The following ADAMTS20 variants were observed in gnomAD, a reference collection of about 807,000 sequenced individuals.
ADAMTS20 encodes ADAM metallopeptidase with thrombospondin type 1 motif 20.
In ADAMTS20, 225 loss-of-function variants were observed where a neutral mutation model predicts 260.1. The observed-to-expected ratio is 0.87, with a 90% CI of 0.78 to 0.97. The LOEUF is 0.97. Among genes scored for constraint, ADAMTS20 ranks in the 50% least tolerant of loss-of-function variants. ADAMTS20 has a pLI of 0.00. For missense variants in ADAMTS20, 2,400 were observed against 2,337.7 expected, an observed-to-expected ratio of 1.03 and a Z score of -0.55; for synonymous variants, 802 against 769.5, an observed-to-expected ratio of 1.04 and a Z score of -0.70.
At chr12:43,501,010 T>C (rs1942750214) in intron 4 of ADAMTS20, among the ~76,000 whole-genome samples, 1 of 150,472 alleles carries the variant, frequency 6.6e-6, no homozygotes, top group South Asian at 2.1e-4. Flanking sequence ...AGCAATGAGA[T>C]ATGTTCCAAA....
chr12:43,540,039 T>C (rs931688986), intron 2 of ADAMTS20, among the ~76,000 whole-genome samples: 2 of 152,078 alleles, frequency 1.3e-5, no homozygotes, highest in African/African-American at 2.4e-5. Flanking sequence ...CTTGCCACCA[T>C]GCCCAGCTAA....
intron 3 of ADAMTS20, among the ~76,000 whole-genome samples, chr12:43,524,843 G>A (rs145831388): frequency 2.3e-3 from 351 of 152,236 alleles, no homozygotes; most frequent in African/African-American, 8.0e-3. Context: ...AATGAACACA[G>A]CTTCTAAGAT....
rs147518318 is a variant in ADAMTS20, at chr12:43,543,754, G to C, written c.453+7155C>G. 1.9e-3 allele frequency among the ~76,000 whole-genome samples: 295 copies of C among 151,974 alleles called. 4 individuals are homozygous for C. The highest frequency in any genetic ancestry group is 6.5e-3 in the African/African-American group (269 of 41,480). ...ATATGGGTGTTCTTTCTTTTTCCTA[G>C]GAAAAATCAACGCCCCTCATTTTCC... On this transcript the variant is annotated intron_variant, in intron 2 of 38. Coordinates refer to ENST00000389420, the MANE Select transcript of ADAMTS20 (RefSeq NM_025003.5).
intron 28 of ADAMTS20, chr12:43,424,064 T>A (rs572947468): frequency 5.6e-4 from 329 of 592,760 alleles, no homozygotes; most frequent in Non-Finnish European, 8.4e-4. Flanking sequence ...ATTATAAAGA[T>A]GTTTGGGTAG....
At chr12:43,485,109 A>AGGC (rs541586657) in intron 7 of ADAMTS20, among the ~76,000 whole-genome samples, 1 of 129,450 alleles carries the variant, frequency 7.7e-6, no homozygotes, top group African/African-American at 2.7e-5. Context: ...AAAAAAAAAA[A>AGGC]AAGCAACAAC....
At chr12:43,373,346 C>T (rs998008196) in intron 36 of ADAMTS20, among the ~76,000 whole-genome samples, 3 of 152,296 alleles carry the variant, frequency 2.0e-5, no homozygotes, top group African/African-American at 7.2e-5. Flanking sequence ...GCGCTAATAA[C>T]ATACTTATAA....
chr12:43,383,935 A>T lies in ADAMTS20; in HGVS notation c.4495T>A (p.Tyr1499Asn), dbSNP rs770601023. 6.2e-7 allele frequency: 1 copy of T among 1,613,930 alleles called. No individual in the cohort carries two copies. The highest frequency in any genetic ancestry group is 1.1e-5 in the South Asian group (1 of 91,076). Residue 1499 changes from tyrosine (Y) to asparagine (N), a missense_variant, in exon 30 of 39, where the codon TAC (tyrosine) becomes AAC (asparagine). Transcript: ENST00000389420. ...CGSGVQQRDV[Y>N]CRLKGVGQVV... ...TGACCAACACCTTTCAGTCTGCAGT[A>T]TACATCCCTCTGCTGAACTCCAGAG...
At chr12:43,517,966 C>T (rs780111613) in intron 3 of ADAMTS20, among the ~76,000 whole-genome samples, 42 of 152,130 alleles carry the variant, frequency 2.8e-4, no homozygotes, top group African/African-American at 9.4e-4. Flanking sequence ...ACTAACATTG[C>T]TATTGATAAT....
rs1401856007 is a variant in ADAMTS20, at chr12:43,425,567, G to T, written c.4231C>A (p.His1411Asn). The T allele has an allele frequency of 1.9e-6, 3 of 1,598,626 alleles. No homozygotes were observed. The African/African-American group carries it at 4.0e-5, about 21-fold the overall frequency. Residue 1411 changes from histidine (H) to asparagine (N), a missense_variant, in exon 28 of 39, where the codon CAT (histidine) becomes AAT (asparagine). By Grantham distance (68) the His-to-Asn change is moderately conservative (BLOSUM62 1). Coordinates refer to ENST00000389420, the MANE Select transcript of ADAMTS20 (RefSeq NM_025003.5). ...VNKPPSVIQC[H>N]MHACPADVSW... is the part of the protein sequence containing the mutation. ...ACATCAGCAGGGCAAGCATGCATAT[G>T]ACACTGTATTACGCTAGGTGGCTTG... is the stretch of plus-strand genomic sequence containing the variant.
chr12:43,492,370 A>C (rs1344026914), intron 6 of ADAMTS20, 135 bp downstream of exon 6: 2 of 1,078,792 alleles, frequency 1.9e-6, no homozygotes, highest in African/African-American at 1.6e-5. Context: ...ACAGAGCGAG[A>C]CTCTGTCTCA....
At chr12:43,497,285 T>C (rs1026040519) in intron 4 of ADAMTS20, among the ~76,000 whole-genome samples, 1 of 152,126 alleles carries the variant, frequency 6.6e-6, no homozygotes, top group Admixed American at 6.5e-5. Context: ...CTAGGCAAAA[T>C]ATACTTCATA....
Position 43,353,892 on chromosome 12 carries a change from G to T in ADAMTS20, c.*317C>A. On this transcript the variant is annotated 3_prime_UTR_variant, in exon 39 of 39. Transcript: ENST00000389420. ...ATGTGTGTTTATAGGTATAAAATAA[G>T]TGTGGTCCAGGCCAAGATGTTAAGA... 1 of 184,272 alleles carries T rather than the reference G, an allele frequency of 5.4e-6. No individual in the cohort carries two copies. Among genetic ancestry groups the T allele is most frequent in the Middle Eastern group, 2.3e-3 (1 of 442 alleles). The allele number at this position is 184,272 out of a possible 1,614,324, so 11.4% of individuals were successfully genotyped here. A position where few individuals can be genotyped will look rare whatever the true frequency, so the allele number is the denominator to read the frequency against.
intron 29 of ADAMTS20, among the ~76,000 whole-genome samples, chr12:43,394,917 CTT>C (rs552711306): frequency 3.0e-3 from 463 of 152,168 alleles, no homozygotes; most frequent in Non-Finnish European, 3.4e-3. Flanking sequence ...AATAAAAACT[CTT>C]AATATAGTAT....
At position 43,371,097 on chromosome 12, in the gene ADAMTS20, G is replaced by A. The variant is rs543156837; in HGVS notation, c.5447-1716C>T. Among the ~76,000 whole-genome samples the A allele has an allele frequency of 5.3e-5, 8 of 152,172 alleles. No homozygotes were observed. The South Asian group carries it at 8.3e-4, about 16-fold the overall frequency. ...CTGTTCTTCATGATCTGCTCCCTGC[G>A]AACTTTTCTAATAAGCTACCATCCC... On this transcript the variant is annotated intron_variant, in intron 36 of 38. Transcript: ENST00000389420.
chr12:43,439,109 C>G (rs1941610789), intron 18 of ADAMTS20, among the ~76,000 whole-genome samples: 1 of 152,154 alleles, frequency 6.6e-6, no homozygotes, highest in Non-Finnish European at 1.5e-5. Flanking sequence ...TATAAATTGT[C>G]CTGCTGTTCC....
rs546955237 is a variant in ADAMTS20 at position 43,455,494 on chromosome 12, A to G, written c.1615-1442T>C. ...AATGCAGAAGGACCGAGACAGCTCA[A>G]TCCTGAAGGCCCTTTTATAAGGCAT... On this transcript the variant is annotated intron_variant, in intron 11 of 38. Coordinates refer to ENST00000389420, the MANE Select transcript of ADAMTS20 (RefSeq NM_025003.5). Among the ~76,000 whole-genome samples the G allele has an allele frequency of 7.9e-5, 12 of 152,256 alleles. No individual in the cohort carries two copies. In the South Asian group the frequency reaches 1.9e-3, roughly 24 times the overall value.
chr12:43,385,078 G>T (rs1940442988), intron 29 of ADAMTS20, among the ~76,000 whole-genome samples: 1 of 152,160 alleles, frequency 6.6e-6, no homozygotes, highest in Non-Finnish European at 1.5e-5. Context: ...CACCAACAGT[G>T]TAAAAGCATT....
chr12:43,515,103 T>C (rs139645235), intron 3 of ADAMTS20, among the ~76,000 whole-genome samples: 69 of 152,342 alleles, frequency 4.5e-4, no homozygotes, highest in African/African-American at 1.4e-3. Flanking sequence ...ATACAGGTTG[T>C]TTCTGAGCTA....
At chr12:43,478,634 A>G (rs553232316) in intron 7 of ADAMTS20, among the ~76,000 whole-genome samples, 2 of 152,322 alleles carry the variant, frequency 1.3e-5, no homozygotes, top group South Asian at 2.1e-4. Flanking sequence ...CTTATAAAAG[A>G]CAGATCACCA....
Sources: allele counts gnomAD v4.1 joint callset (sites outside exome capture counted in the v4.1 genomes callset), GRCh38; gene constraint gnomAD v4.1.1; transcripts MANE v1.5; gene names NCBI Gene and HGNC (gene_info 2026-07-23, HGNC 2026-07-21).